Variants in ITIH5 observed in about 807,000 individuals in gnomAD.
The protein encoded by ITIH5 is inter-alpha-trypsin inhibitor heavy chain 5.
In ITIH5, 65 loss-of-function variants were observed where a neutral mutation model predicts 77.5. The observed-to-expected ratio is 0.84, with a 90% CI of 0.69 to 1.03. The LOEUF (loss-of-function observed/expected upper bound fraction) is 1.03. Ranked by LOEUF, ITIH5 falls within the 50% of genes least tolerant of loss-of-function variation. The pLI is 0.00. For synonymous variants in ITIH5, 525 were observed against 494.3 expected (o/e 1.06, Z -0.82); for missense variants, 1,208 against 1,213.1 (o/e 1.00, Z 0.06).
At chr10:7,639,504 A>G (rs1474615588) in intron 4 of ITIH5, among the ~76,000 whole-genome samples, 1 of 152,258 alleles carries the variant, frequency 6.6e-6, no homozygotes, top group Non-Finnish European at 1.5e-5. Context: ...CTTGTCACTA[A>G]TAAAATTTCC....
chr10:7,563,534 TG>T, intron 13 of ITIH5, 150 bp from the exon 14 acceptor site: 2 of 683,028 alleles, frequency 2.9e-6, no homozygotes, highest in Non-Finnish European at 4.9e-6. Flanking sequence ...ACATGTGCTC[TG>T]GGGGGCAGGG....
chr10:7,600,996 T>C (rs900099172), intron 7 of ITIH5, among the ~76,000 whole-genome samples: 8 of 152,172 alleles, frequency 5.3e-5, no homozygotes, highest in Admixed American at 1.3e-4. Flanking sequence ...CTATGGCACA[T>C]ATATGAGTCC....
chr10:7,666,631 C>A (rs986175555), intron 1 of ITIH5, among the ~76,000 whole-genome samples, 172 bp downstream of exon 1: 1 of 152,156 alleles, frequency 6.6e-6, no homozygotes, highest in African/African-American at 2.4e-5. Flanking sequence ...AGATCAGGCA[C>A]CGCGGCTCAC....
At chr10:7,578,851 T>A (rs1374846290) in intron 9 of ITIH5, 1 of 152,258 alleles carries the variant, frequency 6.6e-6, no homozygotes. Context: ...AAGCTATTTC[T>A]GTTTTAAAAG....
intron 5 of ITIH5, among the ~76,000 whole-genome samples, chr10:7,633,156 G>A (rs1278165360): frequency 1.3e-5 from 2 of 152,234 alleles, no homozygotes; most frequent in African/African-American, 2.4e-5. Context: ...TAGAGGATAA[G>A]AACTGCGGAA....
At chr10:7,603,756 T>C (rs1833063850) in intron 7 of ITIH5, among the ~76,000 whole-genome samples, 1 of 152,084 alleles carries the variant, frequency 6.6e-6, no homozygotes, top group Non-Finnish European at 1.5e-5. Flanking sequence ...CTAATTTTTT[T>C]GTATTTTTAG....
intron 7 of ITIH5, among the ~76,000 whole-genome samples, chr10:7,610,069 CTTTTTTTTTTTT>C (rs5782989): frequency 1.2e-5 from 1 of 86,736 alleles, no homozygotes; most frequent in Admixed American, 1.4e-4. Flanking sequence ...TTTCTTTTTT[CTTTTTTTTTTTT>C]TTTTTTGGCT....
rs1832005576 is a variant in ITIH5 at position 7,559,796 on chromosome 10, A to G, written c.*3287T>C. Reference sequence around the variant, plus strand: ...CTGGCTTGCAGGTGGCCATCTTCTCATCGTATCCCCAGGTGGTGGAGAGGA... The same window carrying G: ...CTGGCTTGCAGGTGGCCATCTTCTCGTCGTATCCCCAGGTGGTGGAGAGGA... On this transcript the variant is annotated 3_prime_UTR_variant, in exon 14 of 14. Coordinates refer to ENST00000397146, the MANE Select transcript of ITIH5 (RefSeq NM_030569.7). The G allele has an allele frequency of 4.4e-6, 2 of 455,394 alleles. No individual in the cohort carries two copies. Among genetic ancestry groups the G allele is most frequent in the African/African-American group, 2.0e-5 (1 of 49,872 alleles). 28.2% of individuals were successfully genotyped at this position (455,394 alleles called of 1,614,324 possible). A position where few individuals can be genotyped will look rare whatever the true frequency, so the allele number is the denominator to read the frequency against.
At chr10:7,575,284 C>G (rs1832387264) in intron 10 of ITIH5, among the ~76,000 whole-genome samples, 1 of 152,168 alleles carries the variant, frequency 6.6e-6, no homozygotes, top group Non-Finnish European at 1.5e-5. Flanking sequence ...GGAATGGAAG[C>G]TCAGAGAGGT....
intron 13 of ITIH5, among the ~76,000 whole-genome samples, chr10:7,564,727 T>C (rs1036411398): frequency 1.3e-5 from 2 of 151,898 alleles, no homozygotes; most frequent in African/African-American, 4.8e-5. Flanking sequence ...TGTGTGTCGG[T>C]GGGTGTGAAT....
chr10:7,629,229 GCCCA>G, intron 5 of ITIH5, among the ~76,000 whole-genome samples: 2 of 103,744 alleles, frequency 1.9e-5, no homozygotes, highest in East Asian at 2.5e-4. Context: ...TGTAGCGTGT[GCCCA>G]TGTTGTAGCG....
chr10:7,596,187 A>T (rs1424621643), intron 7 of ITIH5, among the ~76,000 whole-genome samples: 1 of 152,164 alleles, frequency 6.6e-6, no homozygotes, highest in Non-Finnish European at 1.5e-5. Context: ...TGCACTGGAA[A>T]CAAGAGATAG....
rs138630335 is a variant in ITIH5, at chr10:7,620,236, C to T, written c.653-2954G>A. 6 of 151,998 alleles carry T rather than the reference C, an allele frequency of 3.9e-5. 1 individual carries two copies. The East Asian group carries it at 9.7e-4, about 24-fold the overall frequency. The allele number at this position is 151,998 out of a possible 1,614,324, so 9.4% of individuals were successfully genotyped here. Reference sequence around the variant, plus strand: ...GCAATTACATATACAACTATAAACACAAGTCAAACTTGGGATACCACAAGG... The same window carrying T: ...GCAATTACATATACAACTATAAACATAAGTCAAACTTGGGATACCACAAGG... On this transcript the variant is annotated intron_variant, in intron 5 of 13. Transcript: ENST00000397146.
chr10:7,613,082 T>C (rs1833284086), intron 7 of ITIH5, among the ~76,000 whole-genome samples: 1 of 152,042 alleles, frequency 6.6e-6, no homozygotes, highest in Admixed American at 6.6e-5. Flanking sequence ...CCACCTCTAC[T>C]AAAAATACAA....
chr10:7,560,423 C>T lies in ITIH5; in HGVS notation c.*2660G>A, dbSNP rs1208953338. 1 of 152,200 alleles carries T rather than the reference C, an allele frequency of 6.6e-6. No homozygotes were observed. 9.4% of individuals were successfully genotyped at this position (152,200 alleles called of 1,614,324 possible). On this transcript the variant is annotated 3_prime_UTR_variant, in exon 14 of 14. Coordinates refer to ENST00000397146, the MANE Select transcript of ITIH5 (RefSeq NM_030569.7). ...ACTCCCTAGAGAAACACAGAGGTGCCCACTCCGATTCCCAGTCCCCGGCCT... is the reference window on the plus strand; with the variant it reads ...ACTCCCTAGAGAAACACAGAGGTGCTCACTCCGATTCCCAGTCCCCGGCCT...
intron 5 of ITIH5, among the ~76,000 whole-genome samples, chr10:7,634,822 G>A (rs11255259): frequency 2.6e-5 from 4 of 151,956 alleles, no homozygotes. Flanking sequence ...CCCTCCTTAC[G>A]AGATCCTGAC....
intron 2 of ITIH5, among the ~76,000 whole-genome samples, chr10:7,644,407 CATATATCAT>C (rs1401739588): frequency 7.4e-5 from 9 of 121,196 alleles, no homozygotes; most frequent in East Asian, 7.2e-4. Context: ...ACATATATCA[CATATATCAT>C]ATATATCACA....
Position 7,566,479 on chromosome 10 carries a change from A to T in ITIH5, c.2150-72T>A, listed in dbSNP as rs115776539. 6.7e-3 allele frequency: 9,806 copies of T among 1,454,522 alleles called. 566 individuals are homozygous for T. In the African/African-American group the frequency reaches 0.12, roughly 18 times the overall value. 90.1% of individuals were successfully genotyped at this position (1,454,522 alleles called of 1,614,324 possible). A position where few individuals can be genotyped will look rare whatever the true frequency, so the allele number is the denominator to read the frequency against. ...AGTGGTGGCTCACACCTGTAATCCC[A>T]GCACTTAGAAGGCCAGGGCAGGTGG... is the stretch of plus-strand genomic sequence containing the variant. On this transcript the variant is annotated intron_variant, in intron 12 of 13. Coordinates refer to ENST00000397146, the MANE Select transcript of ITIH5 (RefSeq NM_030569.7).
In ITIH5 at chr10:7,666,908, CG is replaced by C; in HGVS notation, c.-17del. ...GCAGGAGCATGGCGGGGCGAGGGCG[CG>C]GGACGCTCGGGGACCCGGCGGGACA... is the stretch of plus-strand genomic sequence containing the variant. On this transcript the variant is annotated 5_prime_UTR_variant, in exon 1 of 14. Coordinates refer to ENST00000397146, the MANE Select transcript of ITIH5 (RefSeq NM_030569.7). The C allele has an allele frequency of 6.3e-7, 1 of 1,576,718 alleles. No individual in the cohort carries two copies.
Sources: gnomAD v4.1 joint callset for allele counts (sites outside exome capture counted in the v4.1 genomes callset) on GRCh38, gnomAD v4.1.1 for gene constraint, MANE v1.5 for transcripts, NCBI Gene and HGNC (gene_info 2026-07-23, HGNC 2026-07-21) for gene names.